The following CPSF3 variants were observed in gnomAD, a reference collection of about 807,000 sequenced individuals.
The protein encoded by CPSF3 is cleavage and polyadenylation specificity factor subunit 3.
CPSF3 carries 57 observed loss-of-function variants against 84.1 expected under a neutral mutation model. The observed-to-expected ratio is 0.68, with a 90% CI of 0.55 to 0.85. The LOEUF (loss-of-function observed/expected upper bound fraction) is 0.85. CPSF3 is among the 40% of genes least tolerant of loss of function. The pLI, the probability that CPSF3 is intolerant of heterozygous loss-of-function variation, is 0.00. For missense variants in CPSF3, 522 were observed against 838.8 expected (o/e 0.62, Z 4.66); for synonymous variants, 275 against 278.1 (o/e 0.99, Z 0.11).
intron 14 of CPSF3, among the ~76,000 whole-genome samples, chr2:9,457,684 A>G (rs2124853009): frequency 6.6e-6 from 1 of 152,306 alleles, no homozygotes; most frequent in East Asian, 1.9e-4. Context: ...GTCTACTGCT[A>G]TGCCCCAAGG....
intron 1 of CPSF3, chr2:9,424,744 C>G (rs184522398): frequency 1.4e-3 from 216 of 152,230 alleles, no homozygotes; most frequent in African/African-American, 4.9e-3. Context: ...GGGATATAGA[C>G]GCAACAGAGG....
chr2:9,466,267 G>C (rs1572809555), intron 15 of CPSF3, among the ~76,000 whole-genome samples: 1 of 40,462 alleles, frequency 2.5e-5, no homozygotes, highest in Non-Finnish European at 8.4e-5. Context: ...CGCACACAAA[G>C]ACGCACGCAC....
At chr2:9,425,904 T>C (rs1455706111) in intron 1 of CPSF3, among the ~76,000 whole-genome samples, 2 of 152,232 alleles carry the variant, frequency 1.3e-5, no homozygotes, top group Non-Finnish European at 2.9e-5. Flanking sequence ...TTAGCAGTCA[T>C]AGACAATCCC....
chr2:9,436,403 G>T lies in CPSF3; in HGVS notation c.760+42G>T, dbSNP rs756737379. 19 of 1,562,366 alleles carry T rather than the reference G, an allele frequency of 1.2e-5. No homozygotes were observed. In the Admixed American group the frequency reaches 3.3e-4, roughly 27 times the overall value. On this transcript the variant is annotated intron_variant, in intron 7 of 17. Transcript: ENST00000238112. ...GTATTTAGGCGATGATCAAAATCTT[G>T]TCATTTTATCAAGATAATAATGTGG...
intron 7 of CPSF3, among the ~76,000 whole-genome samples, chr2:9,439,668 A>G (rs879414774): frequency 2.7e-4 from 41 of 152,242 alleles, no homozygotes; most frequent in Admixed American, 2.4e-3. Context: ...TTCTTTAATT[A>G]TCAGAAACTG....
intron 9 of CPSF3, among the ~76,000 whole-genome samples, chr2:9,442,853 CA>C (rs1217742306): frequency 8.9e-5 from 9 of 101,436 alleles, no homozygotes; most frequent in Admixed American, 9.7e-5. Flanking sequence ...ACTCCATCTC[CA>C]AAAAAAAAAG....
chr2:9,456,855 GTC>G, intron 13 of CPSF3, 76 bp from the exon 14 acceptor site: 1 of 819,006 alleles, frequency 1.2e-6, no homozygotes. Flanking sequence ...TATTTTAGCT[GTC>G]TCTATAAACA....
At chr2:9,459,022 G>C (rs1681630041) in intron 14 of CPSF3, among the ~76,000 whole-genome samples, 1 of 151,630 alleles carries the variant, frequency 6.6e-6, no homozygotes, top group East Asian at 1.9e-4. Context: ...TGAGGCAGCA[G>C]AATTACTTGA....
At chr2:9,425,870 C>T (rs767029456) in intron 1 of CPSF3, among the ~76,000 whole-genome samples, 41 of 152,184 alleles carry the variant, frequency 2.7e-4, no homozygotes, top group African/African-American at 9.7e-5. Context: ...ATTTTCATCA[C>T]TCCCAAGAGA....
intron 12 of CPSF3, among the ~76,000 whole-genome samples, chr2:9,453,689 G>A (rs756470220): frequency 1.3e-5 from 2 of 152,046 alleles, no homozygotes; most frequent in South Asian, 2.1e-4. Context: ...TCAAGAGATC[G>A]AGACCATCCT....
At position 9,433,879 on chromosome 2, in the gene CPSF3, C is replaced by T. The variant is rs1283628203; in HGVS notation, c.528C>T (p.Tyr176=). The part of the protein sequence containing the change: ...MIEIAGVKLL[Y]TGDFSRQEDR... Reference sequence around the variant, plus strand: ...TTTTATCTTTTTCACAGCTTTTGTACACTGGTGATTTCTCAAGACAAGAAG... The same window carrying T: ...TTTTATCTTTTTCACAGCTTTTGTATACTGGTGATTTCTCAAGACAAGAAG... Residue 176 remains tyrosine, a synonymous_variant, in exon 6 of 18, where the codon TAC becomes TAT. Transcript: ENST00000238112. The T allele has an allele frequency of 3.1e-6, 5 of 1,607,704 alleles. No individual in the cohort carries two copies. Among genetic ancestry groups the T allele is most frequent in the East Asian group, 2.2e-5 (1 of 44,780 alleles).
chr2:9,445,709 G>A (rs541751317), intron 10 of CPSF3, among the ~76,000 whole-genome samples: 5 of 152,254 alleles, frequency 3.3e-5, no homozygotes, highest in South Asian at 4.1e-4. Context: ...TTTGTGTGGT[G>A]TCACCACCTC....
chr2:9,437,963 C>G (rs1410867918), intron 7 of CPSF3, among the ~76,000 whole-genome samples: 2 of 152,222 alleles, frequency 1.3e-5, no homozygotes, highest in Non-Finnish European at 2.9e-5. Flanking sequence ...GATTGTGCCA[C>G]TGCACTCCAG....
rs748757602 is a variant in CPSF3 at position 9,436,261 on chromosome 2, A to G, written c.660A>G (p.Ala220=). 6 of 1,612,946 alleles carry G rather than the reference A, an allele frequency of 3.7e-6. No homozygotes were observed. The highest frequency in any genetic ancestry group is 5.1e-6 in the Non-Finnish European group (6 of 1,179,524). Residue 220 remains alanine, a synonymous_variant, in exon 7 of 18, where the codon GCA becomes GCG. Transcript: ENST00000238112. The stretch of plus-strand genomic sequence containing the variant: ...ATGAGAAACGTGAAGAGCGAGAAGC[A>G]AGATTCTGTAACACTGTCCACGATA... ...HIHEKREERE[A]RFCNTVHDIV...
chr2:9,440,722 G>T, intron 8 of CPSF3, 56 bp downstream of exon 8: 1 of 1,574,848 alleles, frequency 6.3e-7, no homozygotes, highest in Non-Finnish European at 8.7e-7. Context: ...GTCATTAGTA[G>T]TAGGAGGTAC....
intron 12 of CPSF3, among the ~76,000 whole-genome samples, chr2:9,453,972 T>C (rs1165455446): frequency 1.3e-5 from 2 of 152,218 alleles, no homozygotes; most frequent in Non-Finnish European, 2.9e-5. Flanking sequence ...GATACACATT[T>C]CCATATGCAT....
chr2:9,449,068 A>C (rs1461048727), intron 11 of CPSF3, among the ~76,000 whole-genome samples: 2 of 151,812 alleles, frequency 1.3e-5, no homozygotes, highest in Admixed American at 1.3e-4. Flanking sequence ...GATGGAATAT[A>C]TGAAACATTT....
intron 14 of CPSF3, among the ~76,000 whole-genome samples, chr2:9,458,668 A>AATTCATTCATTC (rs1005576662): frequency 6.6e-6 from 1 of 151,858 alleles, no homozygotes; most frequent in African/African-American, 2.4e-5. Context: ...CTGCCTCTAT[A>AATTCATTCATTC]ATTCATTCAT....
In CPSF3 at chr2:9,456,968, G is replaced by T; in HGVS notation, c.1639G>T (p.Ala547Ser). ...AGAATTAGAAATTCAAGAAAAACCT[G>T]CTCTGAAAGTGTTCAAAAATATTAC... ...VEELEIQEKP[A>S]LKVFKNITVI... Residue 547 changes from alanine (A) to serine (S), a missense_variant, in exon 14 of 18, where the codon GCT becomes TCT. Transcript: ENST00000238112. The T allele has an allele frequency of 6.2e-7, 1 of 1,603,264 alleles. No homozygotes were observed. Among genetic ancestry groups the T allele is most frequent in the Non-Finnish European group, 8.5e-7 (1 of 1,173,760 alleles).
Sources: gnomAD v4.1 joint callset for allele counts (sites outside exome capture counted in the v4.1 genomes callset) on GRCh38, gnomAD v4.1.1 for gene constraint, MANE v1.5 for transcripts, NCBI Gene and HGNC (gene_info 2026-07-23, HGNC 2026-07-21) for gene names.